THRA: variants seen among roughly 807,000 people sequenced by gnomAD.
THRA encodes EAR-7.
Under a neutral mutation model 45.0 loss-of-function variants are expected in THRA, and 13 were observed. That is an observed-to-expected ratio of 0.29 (90% confidence interval 0.19 to 0.46). The LOEUF (loss-of-function observed/expected upper bound fraction) is 0.46. Among genes scored for constraint, THRA ranks in the 20% least tolerant of loss-of-function variants. The probability of loss-of-function intolerance (pLI) is 1.00; values close to 1 mark genes in which losing one functional copy is unlikely to be tolerated. For missense variants in THRA, 278 were observed against 556.1 expected (o/e 0.50, Z 5.03); for synonymous variants, 195 against 214.0 (o/e 0.91, Z 0.78).
chr17:40,081,001 C>T (rs1043746314), intron 4 of THRA, among the ~76,000 whole-genome samples: 2 of 151,598 alleles, frequency 1.3e-5, no homozygotes, highest in South Asian at 2.1e-4. Context: ...GGATTACAGG[C>T]GTGAGCCACC....
chr17:40,075,782 G>C (rs6416907), intron 2 of THRA, among the ~76,000 whole-genome samples: 152,222 of 152,328 alleles, frequency 1, 76,060 homozygotes, highest in Non-Finnish European at 1. Context: ...GCCTAGGTGG[G>C]CTGAGTTCCC....
chr17:40,079,482 TG>T (rs1987065391), intron 4 of THRA, among the ~76,000 whole-genome samples: 1 of 152,100 alleles, frequency 6.6e-6, no homozygotes, highest in Non-Finnish European at 1.5e-5. Flanking sequence ...TGACCTCAGG[TG>T]ATCTGCCTGC....
upstream of THRA, chr17:40,062,357 A>G (rs1005345697): frequency 6.6e-6 from 1 of 152,078 alleles, no homozygotes; most frequent in South Asian, 2.1e-4. Context: ...ACGTAAGATG[A>G]TTGAAGTTAA....
intron 1 of THRA, among the ~76,000 whole-genome samples, chr17:40,068,012 C>CTGTTGTT (rs1986633086): frequency 6.6e-6 from 1 of 152,092 alleles, no homozygotes; most frequent in Non-Finnish European, 1.5e-5. Context: ...AGAGTGAGAC[C>CTGTTGTT]CCCCACACAC....
chr17:40,084,650 G>A lies in THRA; in HGVS notation c.411G>A (p.Leu137=), dbSNP rs1987258623. The change falls in exon 6 of 9, where the codon CTG becomes CTA. Residue 137 remains leucine (L), a synonymous_variant. Transcript: ENST00000450525. ...DDSKRVAKRK[L]IEQNRERRRK... is the part of the protein sequence containing the mutation. ...CGAAGCGGGTGGCCAAGCGTAAGCT[G>A]ATTGAGCAGAACCGGGAGCGGCGGC... 1.2e-6 allele frequency: 2 copies of A among 1,614,172 alleles called. No homozygotes were observed. Among genetic ancestry groups the A allele is most frequent in the South Asian group, 2.2e-5 (2 of 91,082 alleles).
intron 1 of THRA, among the ~76,000 whole-genome samples, chr17:40,070,615 C>T (rs980057135): frequency 7.2e-5 from 11 of 152,146 alleles, no homozygotes; most frequent in African/African-American, 2.4e-4. Flanking sequence ...CCGCCCCGGC[C>T]CCTCAGCATC....
chr17:40,070,000 G>C (rs985239769), intron 1 of THRA, among the ~76,000 whole-genome samples: 14 of 151,612 alleles, frequency 9.2e-5, no homozygotes, highest in African/African-American at 2.4e-4. Flanking sequence ...CTGCAGGGGG[G>C]GTTTCCTGTT....
intron 6 of THRA, among the ~76,000 whole-genome samples, chr17:40,085,681 T>C (rs1987298493): frequency 2.0e-5 from 3 of 150,872 alleles, no homozygotes; most frequent in Non-Finnish European, 3.0e-5. Flanking sequence ...TTCGCTCTTG[T>C]TGTCCAGGCT....
intron 4 of THRA, among the ~76,000 whole-genome samples, chr17:40,081,050 T>A (rs1260709085): frequency 6.6e-6 from 1 of 151,918 alleles, no homozygotes; most frequent in Admixed American, 6.6e-5. Context: ...GCCCCTGGAA[T>A]CTGAGAGCTC....
At position 40,091,264 on chromosome 17, in the gene THRA, A is replaced by ACACACACG. The variant is rs1987532408; in HGVS notation, c.*1809_*1816dup. The ACACACACG allele has an allele frequency of 6.4e-5, 10 of 155,716 alleles. No homozygotes were observed. The highest frequency in any genetic ancestry group is 2.2e-4 in the African/African-American group (9 of 40,968). 9.6% of individuals were successfully genotyped at this position (155,716 alleles called of 1,614,324 possible). A position where few individuals can be genotyped will look rare whatever the true frequency, so the allele number is the denominator to read the frequency against. On this transcript the variant is annotated 3_prime_UTR_variant, in exon 9 of 9. Coordinates refer to ENST00000450525, the MANE Select transcript of THRA (RefSeq NM_199334.5). ...CACACACACACACACACACACACACACACACACGGACATGCACACACGGAC... is the reference window on the plus strand; with the variant it reads ...CACACACACACACACACACACACACACACACACGCACACACGGACATGCACACACGGAC...
intron 1 of THRA, among the ~76,000 whole-genome samples, chr17:40,064,917 C>A (rs1362512136): frequency 6.6e-6 from 1 of 152,212 alleles, no homozygotes; most frequent in African/African-American, 2.4e-5. Context: ...GTCCACACAA[C>A]CCCAGATACA....
chr17:40,077,003 T>C, intron 3 of THRA, 65 bp downstream of exon 3: 2 of 1,507,978 alleles, frequency 1.3e-6, no homozygotes, highest in Non-Finnish European at 9.2e-7. Context: ...CCAGGGCTCC[T>C]CTGGACCTGG....
At position 40,089,735 on chromosome 17, in the gene THRA, T is replaced by C; in HGVS notation, c.*279T>C. ...CCCAGGACCCCATCCTCTCAGAAGGTAGGGGAAGGGCGGGAGGATTGAGAA... is the reference window on the plus strand; with the variant it reads ...CCCAGGACCCCATCCTCTCAGAAGGCAGGGGAAGGGCGGGAGGATTGAGAA... On this transcript the variant is annotated 3_prime_UTR_variant, in exon 9 of 9. Transcript: ENST00000450525. The surrounding 1 kb of genome is among the most constrained non-coding windows in gnomAD (Gnocchi z 6.1). The C allele has an allele frequency of 7.8e-7, 1 of 1,290,174 alleles. No individual in the cohort carries two copies. Among genetic ancestry groups the C allele is most frequent in the South Asian group, 1.7e-5 (1 of 57,758 alleles). The allele number at this position is 1,290,174 out of a possible 1,614,324, so 79.9% of individuals were successfully genotyped here.
At chr17:40,077,078 C>G in intron 3 of THRA, 140 bp downstream of exon 3, 2 of 867,154 alleles carry the variant, frequency 2.3e-6, no homozygotes, top group East Asian at 5.3e-5. Flanking sequence ...ATGGACTTGT[C>G]TGGGGGTGAG....
intron 1 of THRA, among the ~76,000 whole-genome samples, chr17:40,065,364 G>T (rs544326897): frequency 6.6e-6 from 1 of 152,236 alleles, no homozygotes; most frequent in South Asian, 2.1e-4. Context: ...TCCAAACTTG[G>T]AAGCTTTCCT....
chr17:40,084,557 G>A, intron 5 of THRA, 53 bp from the exon 6 acceptor site: 2 of 1,588,456 alleles, frequency 1.3e-6, no homozygotes, highest in South Asian at 1.1e-5. Context: ...GGAGCATTAT[G>A]GAAAGGGGAT....
chr17:40,071,028 A>C (rs1986756525), intron 1 of THRA, among the ~76,000 whole-genome samples: 1 of 138,596 alleles, frequency 7.2e-6, no homozygotes, highest in Admixed American at 7.3e-5. Context: ...CCCTAGCTCT[A>C]CCCCAGCCCT....
At chr17:40,079,669 C>T (rs909018347) in intron 4 of THRA, among the ~76,000 whole-genome samples, 2 of 152,148 alleles carry the variant, frequency 1.3e-5, no homozygotes, top group Non-Finnish European at 2.9e-5. Flanking sequence ...TTACCACACC[C>T]GGTGGCACTG....
Position 40,086,205 on chromosome 17 carries a change from C to T in THRA, c.577-502C>T, listed in dbSNP as rs531681224. On this transcript the variant is annotated intron_variant, in intron 6 of 8. Transcript: ENST00000450525. Reference sequence around the variant, plus strand: ...GCACCTGGTTCATGGTGGAGCATGCCGGGGGGTGGCACAGTGCACACTGTT... The same window carrying T: ...GCACCTGGTTCATGGTGGAGCATGCTGGGGGGTGGCACAGTGCACACTGTT... Among the ~76,000 whole-genome samples, 36 of 152,032 alleles carry T rather than the reference C, an allele frequency of 2.4e-4. 1 individual carries two copies. Among genetic ancestry groups the T allele is most frequent in the Non-Finnish European group, 4.1e-4 (28 of 68,002 alleles).
Sources: allele counts gnomAD v4.1 joint callset (sites outside exome capture counted in the v4.1 genomes callset), GRCh38; gene constraint gnomAD v4.1.1; non-coding constraint Gnocchi (gnomAD v3.1); transcripts MANE v1.5; gene names NCBI Gene and HGNC (gene_info 2026-07-23, HGNC 2026-07-21).